Variants in GOSR1 observed in about 807,000 individuals in gnomAD.
GOSR1 encodes 28 kDa Golgi SNARE protein.
Under a neutral mutation model 35.5 loss-of-function variants are expected in GOSR1, and 21 were observed. The ratio of observed to expected loss-of-function variants is 0.59; its 90% CI spans 0.42 to 0.85. The LOEUF is 0.85. Ranked by LOEUF, GOSR1 falls within the 40% of genes least tolerant of loss-of-function variation. GOSR1 has a pLI of 0.00. For missense variants in GOSR1, 285 were observed against 309.6 expected, an observed-to-expected ratio of 0.92 and a Z score of 0.60; for synonymous variants, 94 against 106.6, an observed-to-expected ratio of 0.88 and a Z score of 0.73.
At chr17:30,492,068 C>G (rs916914998) in intron 5 of GOSR1, among the ~76,000 whole-genome samples, 1 of 151,372 alleles carries the variant, frequency 6.6e-6, no homozygotes, top group African/African-American at 2.4e-5. Flanking sequence ...AAGTAAGACT[C>G]TGTCTCCAAA....
rs1968183346 is a variant in GOSR1, at chr17:30,526,412, AAGGC to A, written c.*4039_*4042del. ...TGTAATCTTAGCACTTTGGGAGACC[AAGGC>A]AGGCGGATCGTTTGAGGCCAGGAGT... On this transcript the variant is annotated 3_prime_UTR_variant, in exon 9 of 9. Transcript: ENST00000451249. 6.6e-6 allele frequency: 1 copy of A among 152,134 alleles called. No homozygotes were observed. The highest frequency in any genetic ancestry group is 6.5e-5 in the Admixed American group (1 of 15,276). The allele number at this position is 152,134 out of a possible 1,614,324, so 9.4% of individuals were successfully genotyped here.
At chr17:30,491,953 G>T (rs1180752326) in intron 5 of GOSR1, among the ~76,000 whole-genome samples, 1 of 151,984 alleles carries the variant, frequency 6.6e-6, no homozygotes, top group Admixed American at 6.6e-5. Context: ...TTTCCTTGGT[G>T]GTGGTTTCTC....
chr17:30,492,912 A>G (rs544398368), intron 6 of GOSR1, among the ~76,000 whole-genome samples, 159 bp downstream of exon 6: 4 of 152,286 alleles, frequency 2.6e-5, no homozygotes, highest in South Asian at 2.1e-4. Flanking sequence ...AGGAATTGCA[A>G]CTGTTCCAAC....
chr17:30,482,179 T>C (rs1244562113), intron 2 of GOSR1, among the ~76,000 whole-genome samples: 5 of 151,944 alleles, frequency 3.3e-5, no homozygotes, highest in Non-Finnish European at 7.4e-5. Flanking sequence ...ATTCATAGTA[T>C]TCTATTATGT....
intron 2 of GOSR1, 48 bp downstream of exon 2, chr17:30,481,305 A>G (rs1914333963): frequency 7.1e-7 from 1 of 1,401,188 alleles, no homozygotes; most frequent in Admixed American, 2.0e-5. Flanking sequence ...CTGTGTTTTT[A>G]AAGCATTAAA....
At chr17:30,514,045 A>G (rs186174055) in intron 7 of GOSR1, among the ~76,000 whole-genome samples, 28 of 152,362 alleles carry the variant, frequency 1.8e-4, no homozygotes, top group Admixed American at 1.6e-3. Flanking sequence ...AATACCTTGT[A>G]AACTTTTCTA....
At chr17:30,508,460 C>G (rs1300217913) in intron 6 of GOSR1, among the ~76,000 whole-genome samples, 1 of 152,144 alleles carries the variant, frequency 6.6e-6, no homozygotes, top group Non-Finnish European at 1.5e-5. Flanking sequence ...AGTTAACCCC[C>G]TTTTTTGTGA....
chr17:30,492,488 G>A (rs1296927422), intron 5 of GOSR1, among the ~76,000 whole-genome samples, 191 bp from the exon 6 acceptor site: 3 of 152,212 alleles, frequency 2.0e-5, no homozygotes, highest in African/African-American at 7.2e-5. Flanking sequence ...TAGAGATGCA[G>A]AGGCATTAAT....
At chr17:30,487,964 T>C (rs1005861629) in intron 4 of GOSR1, among the ~76,000 whole-genome samples, 4 of 151,584 alleles carry the variant, frequency 2.6e-5, no homozygotes, top group African/African-American at 9.7e-5. Context: ...TTAGTAGAGA[T>C]GGGGTTTCAT....
intron 6 of GOSR1, among the ~76,000 whole-genome samples, chr17:30,498,045 A>G (rs1204042060): frequency 2.8e-5 from 4 of 141,718 alleles, no homozygotes; most frequent in South Asian, 2.4e-4. Context: ...GTGACAGAGC[A>G]ATACTCCATC....
rs1967960746 is a variant in GOSR1 at position 30,519,867 on chromosome 17, C to A, written c.540-72C>A. On this transcript the variant is annotated intron_variant, in intron 7 of 8. Transcript: ENST00000451249. Reference sequence around the variant, plus strand: ...TGTTGCTCACTGTAGTTTTCTTTCACTTTTAAAGGCATGATGGTTCCAGGC... The same window carrying A: ...TGTTGCTCACTGTAGTTTTCTTTCAATTTTAAAGGCATGATGGTTCCAGGC... 4 of 914,526 alleles carry A rather than the reference C, an allele frequency of 4.4e-6. No homozygotes were observed. In the African/African-American group the frequency reaches 5.0e-5, roughly 11 times the overall value. The allele number at this position is 914,526 out of a possible 1,614,324, so 56.7% of individuals were successfully genotyped here.
At chr17:30,490,418 C>CT (rs1914967996) in intron 5 of GOSR1, 1 of 423,406 alleles carries the variant, frequency 2.4e-6, no homozygotes, top group Admixed American at 3.6e-5. Flanking sequence ...CTTCCTCTTA[C>CT]TTTATCATTG....
At position 30,524,314 on chromosome 17, in the gene GOSR1, C is replaced by A. The variant is rs1968144803; in HGVS notation, c.*1936C>A. 1 of 152,164 alleles carries A rather than the reference C, an allele frequency of 6.6e-6. No individual in the cohort carries two copies. The highest frequency in any genetic ancestry group is 2.1e-4 in the South Asian group (1 of 4,832). The allele number at this position is 152,164 out of a possible 1,614,324, so 9.4% of individuals were successfully genotyped here. A position where few individuals can be genotyped will look rare whatever the true frequency, so the allele number is the denominator to read the frequency against. ...TGATGATCTGTGCTATAGATTTCTA[C>A]TCTGTCTCCTCAACTCTGTTGATAT... On this transcript the variant is annotated 3_prime_UTR_variant, in exon 9 of 9. Coordinates refer to ENST00000451249, the MANE Select transcript of GOSR1 (RefSeq NM_001007025.2).
chr17:30,487,646 A>G (rs923189129), intron 4 of GOSR1, among the ~76,000 whole-genome samples: 1 of 152,276 alleles, frequency 6.6e-6, no homozygotes, highest in Non-Finnish European at 1.5e-5. Context: ...TATTGGCAAG[A>G]GTAAAAATTT....
chr17:30,487,932 C>T (rs192576298), intron 4 of GOSR1, among the ~76,000 whole-genome samples: 152 of 151,716 alleles, frequency 1.0e-3, no homozygotes, highest in South Asian at 3.5e-3. Context: ...TGCGCCACCA[C>T]GCCCAGCTAA....
At chr17:30,479,947 CAGAAA>C (rs1914228259) in intron 1 of GOSR1, 2 of 151,948 alleles carry the variant, frequency 1.3e-5, no homozygotes, top group Admixed American at 1.3e-4. Context: ...TGAGAAAAAA[CAGAAA>C]AGAAAAAAAG....
intron 4 of GOSR1, among the ~76,000 whole-genome samples, chr17:30,488,698 C>T (rs989290605): frequency 2.6e-5 from 4 of 151,740 alleles, no homozygotes; most frequent in Non-Finnish European, 4.4e-5. Flanking sequence ...TCCACCACAC[C>T]GGCTAAGTTT....
intron 8 of GOSR1, chr17:30,520,253 T>A (rs1021277899): frequency 2.7e-5 from 10 of 371,374 alleles, no homozygotes; most frequent in Admixed American, 4.6e-5. Context: ...AAGAAAAAAA[T>A]TATAAATGTG....
chr17:30,479,249 C>G (rs1914170486), intron 1 of GOSR1: 1 of 152,244 alleles, frequency 6.6e-6, no homozygotes, highest in South Asian at 2.1e-4. Flanking sequence ...ACCATTACCT[C>G]TGGTACTTCT....
Sources: gnomAD v4.1 joint callset for allele counts (sites outside exome capture counted in the v4.1 genomes callset) on GRCh38, gnomAD v4.1.1 for gene constraint, MANE v1.5 for transcripts, NCBI Gene and HGNC (gene_info 2026-07-23, HGNC 2026-07-21) for gene names.